The following THSD4 variants were observed in gnomAD, a reference collection of about 807,000 sequenced individuals.
THSD4 encodes the protein thrombospondin type 1 domain containing 4.
Under a neutral mutation model 119.0 loss-of-function variants are expected in THSD4, and 69 were observed. The observed-to-expected ratio is 0.58, with a 90% CI of 0.48 to 0.71. The LOEUF (loss-of-function observed/expected upper bound fraction) is 0.71, where lower values mean the gene tolerates loss of function less well. Ranked by LOEUF, THSD4 falls within the 30% of genes least tolerant of loss-of-function variation. The pLI is 0.00. For missense variants in THSD4, 1,393 were observed against 1,391.1 expected (o/e 1.00, Z -0.02); for synonymous variants, 524 against 540.4 (o/e 0.97, Z 0.42).
In THSD4 at chr15:71,565,188, G is replaced by C. The variant is rs544296704; in HGVS notation, c.1153-95342G>C. Among the ~76,000 whole-genome samples, 4 of 152,344 alleles carry C rather than the reference G, an allele frequency of 2.6e-5. No homozygotes were observed. In the South Asian group the frequency reaches 8.3e-4, roughly 32 times the overall value. ...ACATGCTCATCCCTGACCCAGTGGA[G>C]ATAAATGTGCTGATTGCCAGGCTGA... On this transcript the variant is annotated intron_variant, in intron 7 of 17. Transcript: ENST00000261862.
chr15:71,188,531 G>A (rs145669132), intron 3 of THSD4, among the ~76,000 whole-genome samples: 10 of 152,116 alleles, frequency 6.6e-5, no homozygotes, highest in South Asian at 2.1e-4. Context: ...TGGTCCTGGC[G>A]TAGGACTGGT....
At chr15:71,741,792 C>T (rs566043911) in intron 11 of THSD4, among the ~76,000 whole-genome samples, 2 of 152,284 alleles carry the variant, frequency 1.3e-5, no homozygotes, top group South Asian at 2.1e-4. Context: ...CAGTAAATGG[C>T]ACCAGTTCTC....
chr15:71,172,755 A>G (rs573664410), intron 3 of THSD4, among the ~76,000 whole-genome samples: 28 of 129,798 alleles, frequency 2.2e-4, no homozygotes, highest in African/African-American at 8.0e-4. Context: ...GATTTTTTAT[A>G]AAGGAGAAAG....
intron 6 of THSD4, among the ~76,000 whole-genome samples, chr15:71,273,608 C>G (rs765777909): frequency 6.6e-6 from 1 of 152,048 alleles, no homozygotes; most frequent in Non-Finnish European, 1.5e-5. Flanking sequence ...TTTCTTATTC[C>G]ACAATGTATA....
At chr15:71,605,104 G>A (rs1485366685) in intron 7 of THSD4, among the ~76,000 whole-genome samples, 2 of 152,030 alleles carry the variant, frequency 1.3e-5, no homozygotes, top group Non-Finnish European at 2.9e-5. Flanking sequence ...CCCAAGAAAG[G>A]TGCATCTCTT....
intron 3 of THSD4, among the ~76,000 whole-genome samples, chr15:71,208,569 T>C (rs1317276217): frequency 6.6e-6 from 1 of 151,912 alleles, no homozygotes; most frequent in East Asian, 1.9e-4. Flanking sequence ...TGGAGTGCAG[T>C]GGTGAAATCT....
chr15:71,704,348 C>T (rs759011646), intron 8 of THSD4, among the ~76,000 whole-genome samples: 6 of 152,132 alleles, frequency 3.9e-5, no homozygotes, highest in Admixed American at 1.3e-4. Context: ...TGGGAGGGTC[C>T]GGGTGGGAGG....
chr15:71,461,534 A>G (rs564117979), intron 7 of THSD4, among the ~76,000 whole-genome samples: 3 of 152,282 alleles, frequency 2.0e-5, no homozygotes, highest in Admixed American at 6.5e-5. Flanking sequence ...GAAAATTTCC[A>G]TAGTGTTATT....
intron 7 of THSD4, among the ~76,000 whole-genome samples, chr15:71,426,813 C>T (rs1030361968): frequency 1.3e-5 from 2 of 151,948 alleles, no homozygotes; most frequent in African/African-American, 2.4e-5. Context: ...TGTCTTAGCT[C>T]CTAAAGGAGA....
intron 7 of THSD4, among the ~76,000 whole-genome samples, chr15:71,579,216 G>A (rs891464677): frequency 6.6e-6 from 1 of 152,180 alleles, no homozygotes; most frequent in Non-Finnish European, 1.5e-5. Flanking sequence ...ATTGGATTTA[G>A]GTAAGGCAGT....
intron 6 of THSD4, among the ~76,000 whole-genome samples, chr15:71,297,867 A>G (rs935005894): frequency 3.3e-5 from 5 of 152,196 alleles, no homozygotes; most frequent in Non-Finnish European, 7.3e-5. Flanking sequence ...CTTATCAGAT[A>G]TATAATTTGC....
chr15:71,748,729 GAATT>G, intron 14 of THSD4, 135 bp downstream of exon 14: 1 of 1,050,718 alleles, frequency 9.5e-7, no homozygotes, highest in Non-Finnish European at 1.3e-6. Flanking sequence ...GCCCAGAGAG[GAATT>G]ATCGTAGGCT....
At position 71,608,222 on chromosome 15, in the gene THSD4, C is replaced by CAAA. The variant is rs1220559216; in HGVS notation, c.1153-52294_1153-52292dup. ...TGGGGGACAGAGCAAAACTCTGTCT[C>CAAA]AAAAAAAAAAAAAAAATATATATAT... On this transcript the variant is annotated intron_variant, in intron 7 of 17. Coordinates refer to ENST00000261862, the MANE Select transcript of THSD4 (RefSeq NM_024817.3). 4.2e-3 allele frequency among the ~76,000 whole-genome samples: 195 copies of CAAA among 46,684 alleles called. 1 individual carries two copies. Among genetic ancestry groups the CAAA allele is most frequent in the African/African-American group, 0.011 (135 of 11,996 alleles). 30.6% of individuals were successfully genotyped at this position (46,684 alleles called of 152,430 possible).
chr15:71,726,393 T>C (rs901710385), intron 8 of THSD4, among the ~76,000 whole-genome samples: 2 of 152,188 alleles, frequency 1.3e-5, no homozygotes, highest in African/African-American at 4.8e-5. Flanking sequence ...AAAAAGTTCT[T>C]ATATTTTAGT....
intron 5 of THSD4, among the ~76,000 whole-genome samples, chr15:71,250,046 C>T (rs960697905): frequency 7.9e-5 from 12 of 152,160 alleles, no homozygotes; most frequent in Non-Finnish European, 1.5e-4. Context: ...AATGTTGTGT[C>T]CAAACAACTC....
intron 11 of THSD4, among the ~76,000 whole-genome samples, chr15:71,742,822 A>G (rs1288788636): frequency 6.6e-6 from 1 of 152,122 alleles, no homozygotes; most frequent in Non-Finnish European, 1.5e-5. Flanking sequence ...TGGGAGGCCG[A>G]GGTGGGCAAA....
intron 8 of THSD4, among the ~76,000 whole-genome samples, chr15:71,721,762 A>C (rs1261022614): frequency 6.6e-6 from 1 of 152,094 alleles, no homozygotes; most frequent in East Asian, 1.9e-4. Context: ...TGAATCTTGG[A>C]GAATGGCATT....
intron 1 of THSD4, among the ~76,000 whole-genome samples, chr15:71,098,232 G>T (rs1293183621): frequency 1.7e-5 from 2 of 118,686 alleles, no homozygotes; most frequent in African/African-American, 6.9e-5. Flanking sequence ...AGAAGGTCCC[G>T]CTCTGTCACC....
At chr15:71,205,029 C>T (rs2043832094) in intron 3 of THSD4, among the ~76,000 whole-genome samples, 1 of 152,166 alleles carries the variant, frequency 6.6e-6, no homozygotes, top group Non-Finnish European at 1.5e-5. Context: ...GTCAGTGATT[C>T]TCAAACCAGA....
Sources: allele counts gnomAD v4.1 joint callset (sites outside exome capture counted in the v4.1 genomes callset), GRCh38; gene constraint gnomAD v4.1.1; transcripts MANE v1.5; gene names NCBI Gene and HGNC (gene_info 2026-07-23, HGNC 2026-07-21).